The following EPHA7 variants were observed in gnomAD, a reference collection of about 807,000 sequenced individuals.
The protein encoded by EPHA7 is EPH receptor A7.
In EPHA7, 25 loss-of-function variants were observed where a neutral mutation model predicts 112.6. The ratio of observed to expected loss-of-function variants is 0.22; its 90% CI spans 0.16 to 0.31. The LOEUF (loss-of-function observed/expected upper bound fraction) is 0.31. Ranked by LOEUF, EPHA7 falls within the 10% of genes least tolerant of loss-of-function variation. The pLI is 1.00. For synonymous variants in EPHA7, 437 were observed against 406.5 expected, an observed-to-expected ratio of 1.07 and a Z score of -0.90; for missense variants, 962 against 1,212.6, an observed-to-expected ratio of 0.79 and a Z score of 3.07.
chr6:93,258,325 T>C, intron 10 of EPHA7, 41 bp from the exon 11 acceptor site: 3 of 1,497,386 alleles, frequency 2.0e-6, no homozygotes, highest in Non-Finnish European at 2.7e-6. Flanking sequence ...AGTTTCTAAA[T>C]ATTGTAATTT....
At chr6:93,359,095 A>G (rs901109441) in intron 3 of EPHA7, among the ~76,000 whole-genome samples, 5 of 152,162 alleles carry the variant, frequency 3.3e-5, no homozygotes, top group Non-Finnish European at 5.9e-5. Context: ...AAAGCCATCA[A>G]CGGCAAGTAG....
In EPHA7 at chr6:93,240,494, A is replaced by T. The variant is rs1187036931; in HGVS notation, c.*2932T>A. The T allele has an allele frequency of 4.6e-6, 1 of 218,698 alleles. No homozygotes were observed. The highest frequency in any genetic ancestry group is 2.3e-5 in the African/African-American group (1 of 44,368). The allele number at this position is 218,698 out of a possible 1,614,324, so 13.5% of individuals were successfully genotyped here. On this transcript the variant is annotated 3_prime_UTR_variant, in exon 17 of 17. Coordinates refer to ENST00000369303, the MANE Select transcript of EPHA7 (RefSeq NM_004440.4). The stretch of plus-strand genomic sequence containing the variant: ...ATATGATTCAACTAATAGTGCTCTG[A>T]CAAGCATAAACCACCAGTTCTAGTA...
Position 93,371,943 on chromosome 6 carries a change from T to C in EPHA7, c.833-13532A>G, listed in dbSNP as rs191226381. Among the ~76,000 whole-genome samples, 317 of 152,248 alleles carry C rather than the reference T, an allele frequency of 2.1e-3. 3 individuals are homozygous for C. Among genetic ancestry groups the C allele is most frequent in the Non-Finnish European group, 3.5e-3 (237 of 67,996 alleles). On this transcript the variant is annotated intron_variant, in intron 3 of 16. Transcript: ENST00000369303. Reference sequence around the variant, plus strand: ...ATACAGGATAAAAGCAGATGACAGATTGTGAAGACATACTGTCACAGATGG... The same window carrying C: ...ATACAGGATAAAAGCAGATGACAGACTGTGAAGACATACTGTCACAGATGG...
chr6:93,410,977 C>A lies in EPHA7; in HGVS notation c.356G>T (p.Cys119Phe). 6.2e-7 allele frequency: 1 copy of A among 1,614,040 alleles called. No homozygotes were observed. Among genetic ancestry groups the A allele is most frequent in the Non-Finnish European group, 8.5e-7 (1 of 1,179,970 alleles). Residue 119 changes from cysteine (C) to phenylalanine (F), a missense_variant, in exon 3 of 17, where the codon TGC becomes TTC. By Grantham distance (205) the Cys-to-Phe change is radical (BLOSUM62 -2). Coordinates refer to ENST00000369303, the MANE Select transcript of EPHA7 (RefSeq NM_004440.4). The surrounding 1 kb of genome is among the most constrained non-coding windows in gnomAD (Gnocchi z 4.0). Reference sequence around the variant, plus strand: ...ATAGTACAAATTAAATGTTTCCTTGCAAGTTCCCAGTACTCCAGGAAGACT... The same window carrying A: ...ATAGTACAAATTAAATGTTTCCTTGAAAGTTCCCAGTACTCCAGGAAGACT... Reference protein sequence around the residue: ...CNSLPGVLGTCKETFNLYYYE... With the variant: ...CNSLPGVLGTFKETFNLYYYE...
At chr6:93,260,788 G>GA (rs1253772771) in intron 9 of EPHA7, 10,910 of 855,358 alleles carry the variant, frequency 0.013, 20 homozygotes, top group African/African-American at 0.03. Flanking sequence ...AGCTGAAGAT[G>GA]AAAAAAAAAA....
chr6:93,416,629 G>T (rs1477170677), intron 1 of EPHA7, among the ~76,000 whole-genome samples: 1 of 152,182 alleles, frequency 6.6e-6, no homozygotes, highest in Admixed American at 6.5e-5. Flanking sequence ...CCGCTCTCTG[G>T]TTAAACCCTC....
intron 7 of EPHA7, among the ~76,000 whole-genome samples, chr6:93,267,629 G>A (rs1771008828): frequency 6.6e-6 from 1 of 151,680 alleles, no homozygotes; most frequent in Admixed American, 6.6e-5. Context: ...TATATTGATA[G>A]TAAAAATCAC....
chr6:93,258,827 C>A (rs1007513647), intron 10 of EPHA7, among the ~76,000 whole-genome samples: 18 of 151,192 alleles, frequency 1.2e-4, no homozygotes, highest in Admixed American at 6.0e-4. Flanking sequence ...ACTATGTCTA[C>A]TGGATTTAAA....
intron 14 of EPHA7, among the ~76,000 whole-genome samples, chr6:93,249,238 G>T (rs1446882528): frequency 6.6e-6 from 1 of 152,034 alleles, no homozygotes; most frequent in Non-Finnish European, 1.5e-5. Flanking sequence ...TATACAAATG[G>T]TAACTCTGCA....
At chr6:93,368,124 T>G (rs1201875696) in intron 3 of EPHA7, among the ~76,000 whole-genome samples, 2 of 152,158 alleles carry the variant, frequency 1.3e-5, no homozygotes, top group African/African-American at 4.8e-5. Context: ...CATTATCCTT[T>G]TGACCACTGG....
At chr6:93,353,580 C>G (rs998306774) in intron 5 of EPHA7, among the ~76,000 whole-genome samples, 3 of 152,124 alleles carry the variant, frequency 2.0e-5, no homozygotes, top group African/African-American at 7.2e-5. Flanking sequence ...TTTGCCTTGA[C>G]AGGTTCCCAA....
At chr6:93,346,043 A>G (rs1775390609) in intron 5 of EPHA7, among the ~76,000 whole-genome samples, 2 of 151,714 alleles carry the variant, frequency 1.3e-5, no homozygotes, top group African/African-American at 2.4e-5. Flanking sequence ...CCTACATTTC[A>G]TAGCTTTCAA....
At chr6:93,377,611 C>T (rs545471299) in intron 3 of EPHA7, among the ~76,000 whole-genome samples, 2 of 152,090 alleles carry the variant, frequency 1.3e-5, no homozygotes, top group Non-Finnish European at 2.9e-5. Flanking sequence ...TCCACCATCC[C>T]TTATCTTATA....
rs2127846653 is a variant in EPHA7 at position 93,246,730 on chromosome 6, A to G, written c.2726+62T>C. ...TTGCCATTGTGGTGGGGTGGAGGAG[A>G]TAAATGGTTTATGTTACTATTGTAA... On this transcript the variant is annotated intron_variant, in intron 15 of 16. Transcript: ENST00000369303. 3 of 1,408,828 alleles carry G rather than the reference A, an allele frequency of 2.1e-6. No homozygotes were observed. The South Asian group carries it at 4.0e-5, about 19-fold the overall frequency. The allele number at this position is 1,408,828 out of a possible 1,614,324, so 87.3% of individuals were successfully genotyped here. A position where few individuals can be genotyped will look rare whatever the true frequency, so the allele number is the denominator to read the frequency against.
intron 5 of EPHA7, among the ~76,000 whole-genome samples, chr6:93,286,050 T>C (rs2127830046): frequency 6.6e-6 from 1 of 152,290 alleles, no homozygotes; most frequent in South Asian, 2.1e-4. Context: ...CCTGGCCCTT[T>C]TCAGAAAAAG....
chr6:93,353,589 A>G (rs1029862763), intron 5 of EPHA7, among the ~76,000 whole-genome samples: 2 of 152,166 alleles, frequency 1.3e-5, no homozygotes, highest in African/African-American at 4.8e-5. Flanking sequence ...ACAGGTTCCC[A>G]AAGAGTTACA....
At chr6:93,416,554 C>T (rs1433078201) in intron 1 of EPHA7, among the ~76,000 whole-genome samples, 1 of 152,172 alleles carries the variant, frequency 6.6e-6, no homozygotes, top group African/African-American at 2.4e-5. Flanking sequence ...AAAACAGAAC[C>T]CGGCCCGAGA....
In EPHA7 at chr6:93,246,838, T is replaced by C; in HGVS notation, c.2680A>G (p.Ile894Val). ...EQIVGILDKM[I>V]RNPNSLKTPL... Reference sequence around the variant, plus strand: ...GTTTTCAGACTATTTGGGTTTCGAATCATTTTGTCTAGAATTCCAACTATC... The same window carrying C: ...GTTTTCAGACTATTTGGGTTTCGAACCATTTTGTCTAGAATTCCAACTATC... Residue 894 changes from isoleucine (I) to valine (V), a missense_variant, in exon 15 of 17, where the codon ATT becomes GTT. Physicochemically the swap from Ile to Val is conservative, Grantham distance 29 (BLOSUM62 3). This residue lies in a region of EPHA7 where 746 missense variants were observed against 889.2 expected (regional missense o/e 0.84). Transcript: ENST00000369303. 6.2e-7 allele frequency: 1 copy of C among 1,613,028 alleles called. No homozygotes were observed. The highest frequency in any genetic ancestry group is 8.5e-7 in the Non-Finnish European group (1 of 1,179,038).
intron 5 of EPHA7, among the ~76,000 whole-genome samples, chr6:93,343,595 G>A (rs549951866): frequency 5.3e-5 from 8 of 151,736 alleles, no homozygotes; most frequent in South Asian, 2.1e-4. Context: ...TGCTTTTTGC[G>A]TTCCCTGCAG....
Sources: allele counts gnomAD v4.1 joint callset (sites outside exome capture counted in the v4.1 genomes callset), GRCh38; gene constraint gnomAD v4.1.1; regional missense constraint gnomAD v4.1.1; non-coding constraint Gnocchi (gnomAD v3.1); transcripts MANE v1.5; gene names NCBI Gene and HGNC (gene_info 2026-07-23, HGNC 2026-07-21).